Variants in FOXN3 observed in about 807,000 individuals in gnomAD.
FOXN3 encodes forkhead box protein N3.
A neutral mutation model predicts 38.4 loss-of-function variants in FOXN3; 7 were observed. The ratio of observed to expected loss-of-function variants is 0.18; its 90% confidence interval spans 0.10 to 0.34. The LOEUF is 0.34. FOXN3 is among the 10% of genes least tolerant of loss of function. The probability of loss-of-function intolerance (pLI) is 1.00; values close to 1 mark genes in which losing one functional copy is unlikely to be tolerated. For missense variants in FOXN3, 456 were observed against 613.4 expected (o/e 0.74, Z 2.71); for synonymous variants, 230 against 242.2 (o/e 0.95, Z 0.47).
intron 4 of FOXN3, among the ~76,000 whole-genome samples, chr14:89,206,282 A>T (rs187934980): frequency 6.6e-6 from 1 of 152,236 alleles, no homozygotes; most frequent in Non-Finnish European, 1.5e-5. Flanking sequence ...GAGCCTGGTC[A>T]GGGACACATG....
intron 5 of FOXN3, among the ~76,000 whole-genome samples, chr14:89,179,593 T>C (rs984445629): frequency 6.6e-5 from 10 of 152,142 alleles, no homozygotes; most frequent in African/African-American, 1.4e-4. Context: ...ATCAGACAAC[T>C]GATTGAGAGC....
intron 2 of FOXN3, among the ~76,000 whole-genome samples, chr14:89,394,485 G>T (rs1359170733): frequency 1.3e-5 from 2 of 152,140 alleles, no homozygotes; most frequent in Non-Finnish European, 2.9e-5. Flanking sequence ...GTGATTACGG[G>T]TGTGAGCCAC....
chr14:89,261,852 C>T (rs1596138990), intron 4 of FOXN3, among the ~76,000 whole-genome samples: 1 of 152,186 alleles, frequency 6.6e-6, no homozygotes, highest in Admixed American at 6.5e-5. Flanking sequence ...GGTATGAACC[C>T]AGGAGGTGGA....
At chr14:89,275,332 A>G (rs2139909568) in intron 4 of FOXN3, among the ~76,000 whole-genome samples, 1 of 152,334 alleles carries the variant, frequency 6.6e-6, no homozygotes, top group East Asian at 1.9e-4. Flanking sequence ...CTGAGCCAGA[A>G]CTAAGCATCA....
chr14:89,350,719 G>A lies in FOXN3; in HGVS notation c.633C>T (p.His211=), dbSNP rs755857217. ...QALKKTPYHP[H]PHVFNTPPTC... ...TGGGAGGTGTATTGAACACGTGTGG[G>A]TGTGGGTGATAAGGTGTCTTTTTCA... The change falls in exon 3 of 6, where the codon CAC becomes CAT. Residue 211 remains histidine (H), a synonymous_variant. Transcript: ENST00000557258. 5 of 1,602,782 alleles carry A rather than the reference G, an allele frequency of 3.1e-6. No homozygotes were observed. Among genetic ancestry groups the A allele is most frequent in the Middle Eastern group, 1.7e-4 (1 of 6,038 alleles).
At position 89,292,253 on chromosome 14, in the gene FOXN3, G is replaced by A. The variant is rs146454452; in HGVS notation, c.681-11239C>T. ...TTACCTCCCCCTTCCCAGGACTGATGATTTCTTATCTTAGCCATCGCCACA... is the reference window on the plus strand; with the variant it reads ...TTACCTCCCCCTTCCCAGGACTGATAATTTCTTATCTTAGCCATCGCCACA... On this transcript the variant is annotated intron_variant, in intron 3 of 5. Transcript: ENST00000557258. 3.0e-3 allele frequency among the ~76,000 whole-genome samples: 457 copies of A among 152,152 alleles called. 4 individuals carry two copies. The highest frequency in any genetic ancestry group is 0.011 in the African/African-American group (437 of 41,506).
chr14:89,425,113 G>GGAATGC (rs1332305349), intron 1 of FOXN3, among the ~76,000 whole-genome samples: 2 of 130,352 alleles, frequency 1.5e-5, no homozygotes, highest in East Asian at 4.7e-4. Context: ...AGCCCAGGCT[G>GGAATGC]GAATGCAGTG....
At chr14:89,527,393 T>C (rs558528299) in intron 1 of FOXN3, among the ~76,000 whole-genome samples, 1 of 152,302 alleles carries the variant, frequency 6.6e-6, no homozygotes, top group African/African-American at 2.4e-5. Context: ...GACTTCAAAA[T>C]TAAGAATGTC....
At chr14:89,272,421 T>G (rs970213157) in intron 4 of FOXN3, among the ~76,000 whole-genome samples, 7 of 151,956 alleles carry the variant, frequency 4.6e-5, no homozygotes, top group African/African-American at 1.7e-4. Context: ...AAAAAAAAGG[T>G]ATAGGTATTA....
Position 89,180,953 on chromosome 14 carries a change from T to G in FOXN3, c.746-147A>C, listed in dbSNP as rs113584824. 8.3e-6 allele frequency: 4 copies of G among 480,892 alleles called. No individual in the cohort carries two copies. In the East Asian group the frequency reaches 1.3e-4, roughly 16 times the overall value. The allele number at this position is 480,892 out of a possible 1,614,324, so 29.8% of individuals were successfully genotyped here. A position where few individuals can be genotyped will look rare whatever the true frequency, so the allele number is the denominator to read the frequency against. On this transcript the variant is annotated intron_variant, in intron 4 of 5. Transcript: ENST00000557258. ...AGAAACACACACACACACGTGCACA[T>G]ACACACACACACACACAGTCACACA...
intron 3 of FOXN3, 138 bp from the exon 4 acceptor site, chr14:89,281,152 T>G (rs1200520504): frequency 1.4e-6 from 1 of 695,444 alleles, no homozygotes; most frequent in Admixed American, 2.3e-5. Flanking sequence ...TCGAAAACCA[T>G]GAGGTCTGCT....
At chr14:89,283,226 C>A (rs1886513872) in intron 3 of FOXN3, among the ~76,000 whole-genome samples, 1 of 152,158 alleles carries the variant, frequency 6.6e-6, no homozygotes, top group Admixed American at 6.5e-5. Flanking sequence ...TAAACTCCTG[C>A]TGAGAATTGT....
intron 4 of FOXN3, chr14:89,190,513 C>A (rs143544725): frequency 7.3e-7 from 1 of 1,371,476 alleles, no homozygotes; most frequent in Non-Finnish European, 1.0e-6. Flanking sequence ...TGTGTTTTTC[C>A]CCCTGCAAGT....
chr14:89,577,992 T>C (rs547061694), intron 1 of FOXN3, among the ~76,000 whole-genome samples: 37 of 152,342 alleles, frequency 2.4e-4, no homozygotes, highest in Admixed American at 1.0e-3. Flanking sequence ...AAATCTTCCC[T>C]TGGTGGATTT....
chr14:89,159,314 G>A lies in FOXN3; in HGVS notation c.*3100C>T, dbSNP rs1164645051. On this transcript the variant is annotated 3_prime_UTR_variant, in exon 6 of 6. Transcript: ENST00000557258. The stretch of plus-strand genomic sequence containing the variant: ...TGTTTTGGTTATGCATAATGTGTAT[G>A]CCTCCAAAAACAGAAGAAAAATAGG... The A allele has an allele frequency of 2.6e-5, 4 of 152,546 alleles. No homozygotes were observed. The highest frequency in any genetic ancestry group is 6.5e-5 in the Admixed American group (1 of 15,282). The allele number at this position is 152,546 out of a possible 1,614,324, so 9.4% of individuals were successfully genotyped here.
chr14:89,528,376 C>CTTTTT (rs55935162), intron 1 of FOXN3, among the ~76,000 whole-genome samples: 925 of 53,566 alleles, frequency 0.017, 171 homozygotes, highest in Non-Finnish European at 0.019. Flanking sequence ...ATGGATGAAT[C>CTTTTT]TTTTTTTTTT....
Position 89,341,314 on chromosome 14 carries a change from A to G in FOXN3, c.680+9358T>C, listed in dbSNP as rs1042256826. Among the ~76,000 whole-genome samples, 4 of 152,240 alleles carry G rather than the reference A, an allele frequency of 2.6e-5. 1 individual carries two copies. In the South Asian group the frequency reaches 8.3e-4, roughly 32 times the overall value. On this transcript the variant is annotated intron_variant, in intron 3 of 5. Coordinates refer to ENST00000557258, the MANE Select transcript of FOXN3 (RefSeq NM_005197.4). ...ATCCTTCTTTCTATAACTTCGATCCATCAAGTCCAAATCTGTCCTCTCTGA... is the reference window on the plus strand; with the variant it reads ...ATCCTTCTTTCTATAACTTCGATCCGTCAAGTCCAAATCTGTCCTCTCTGA...
At chr14:89,166,527 G>A (rs746202867) in intron 5 of FOXN3, among the ~76,000 whole-genome samples, 1 of 152,094 alleles carries the variant, frequency 6.6e-6, no homozygotes, top group Non-Finnish European at 1.5e-5. Flanking sequence ...GGGGTGGCCC[G>A]GACAGTCTCA....
At chr14:89,479,743 G>A (rs780082513) in intron 1 of FOXN3, among the ~76,000 whole-genome samples, 2 of 152,116 alleles carry the variant, frequency 1.3e-5, no homozygotes, top group Non-Finnish European at 2.9e-5. Flanking sequence ...ACAGGTTATG[G>A]AAAATTCAAC....
Sources: gnomAD v4.1 joint callset for allele counts (sites outside exome capture counted in the v4.1 genomes callset) on GRCh38, gnomAD v4.1.1 for gene constraint, MANE v1.5 for transcripts, NCBI Gene and HGNC (gene_info 2026-07-23, HGNC 2026-07-21) for gene names.